MSTO1: variants seen among roughly 807,000 people sequenced by gnomAD.
MSTO1 encodes protein misato homolog 1.
MSTO1 carries 24 observed loss-of-function variants against 55.7 expected under a neutral mutation model. The ratio of observed to expected loss-of-function variants is 0.43; its 90% CI spans 0.31 to 0.61. MSTO1 has a LOEUF of 0.61. MSTO1 is among the 20% of genes least tolerant of loss of function. The pLI is 0.09. For synonymous variants in MSTO1, 162 were observed against 252.8 expected (o/e 0.64, Z 3.41); for missense variants, 363 against 625.7 (o/e 0.58, Z 4.48).
In MSTO1 at chr1:155,610,299, C is replaced by G. The variant is rs757329280; in HGVS notation, c.51C>G (p.Ala17=). 2.7e-5 allele frequency: 30 copies of G among 1,101,166 alleles called. No individual in the cohort carries two copies. The highest frequency in any genetic ancestry group is 3.5e-5 in the Non-Finnish European group (27 of 778,152). The allele number at this position is 1,101,166 out of a possible 1,614,324, so 68.2% of individuals were successfully genotyped here. Reference sequence around the variant, plus strand: ...TCACACTGCAGTTGGGACATTTTGCCGGTTTCGTGGGCGCGCACTGGTGGA... The same window carrying G: ...TCACACTGCAGTTGGGACATTTTGCGGGTTTCGTGGGCGCGCACTGGTGGA... The part of the protein sequence containing the change: ...EVLTLQLGHF[A]GFVGAHWWNQ... Residue 17 remains alanine, a synonymous_variant, in exon 1 of 14, where the codon GCC becomes GCG. Coordinates refer to ENST00000245564, the MANE Select transcript of MSTO1 (RefSeq NM_018116.4).
chr1:155,604,560 TAAAC>T, the MSTO1 span, among the ~76,000 whole-genome samples: 1 of 152,156 alleles, frequency 6.6e-6, no homozygotes, highest in Non-Finnish European at 1.5e-5. Context: ...ACACAAAACT[TAAAC>T]AAAAATTTTG....
the MSTO1 span, among the ~76,000 whole-genome samples, chr1:155,603,272 A>G: frequency 1.3e-5 from 2 of 151,798 alleles, no homozygotes; most frequent in Non-Finnish European, 2.9e-5. Flanking sequence ...GGCCCCATGC[A>G]TGTAATCCCA....
the MSTO1 span, among the ~76,000 whole-genome samples, chr1:155,568,083 TATTTTA>T: frequency 1.3e-5 from 2 of 150,700 alleles, no homozygotes; most frequent in African/African-American, 4.9e-5. Flanking sequence ...TATTTTATTT[TATTTTA>T]TTTTTTTTGA....
the MSTO1 span, among the ~76,000 whole-genome samples, chr1:155,596,772 C>T: frequency 4.6e-5 from 7 of 151,116 alleles, no homozygotes; most frequent in Admixed American, 4.6e-4. Flanking sequence ...GGACAGCAGG[C>T]TGTCTCAAAA....
At chr1:155,608,371 T>TA (rs1364036728), upstream of MSTO1, among the ~76,000 whole-genome samples, 5 of 152,178 alleles carry the variant, frequency 3.3e-5, no homozygotes, top group Non-Finnish European at 7.4e-5. Context: ...GGAGTCTCAC[T>TA]ACATTGTCCA....
At chr1:155,579,486 A>C in the MSTO1 span, among the ~76,000 whole-genome samples, 1 of 152,194 alleles carries the variant, frequency 6.6e-6, no homozygotes, top group Admixed American at 6.6e-5. Flanking sequence ...ATCACTGGAA[A>C]TCATTAGGCA....
the MSTO1 span, among the ~76,000 whole-genome samples, chr1:155,578,469 G>A: frequency 7.0e-6 from 1 of 141,934 alleles, no homozygotes; most frequent in East Asian, 2.1e-4. Context: ...CTCCCAAGTA[G>A]CTGGAACTAC....
At chr1:155,568,084 A>ATTTT in the MSTO1 span, among the ~76,000 whole-genome samples, 2 of 148,690 alleles carry the variant, frequency 1.3e-5, no homozygotes, top group African/African-American at 5.1e-5. Flanking sequence ...ATTTTATTTT[A>ATTTT]TTTTATTTTT....
At chr1:155,588,043 T>C in the MSTO1 span, among the ~76,000 whole-genome samples, 2 of 150,688 alleles carry the variant, frequency 1.3e-5, no homozygotes, top group Non-Finnish European at 3.0e-5. Flanking sequence ...CCGTCTCTAC[T>C]AAAAAAAATA....
the MSTO1 span, among the ~76,000 whole-genome samples, chr1:155,579,749 G>C: frequency 6.6e-6 from 1 of 152,134 alleles, no homozygotes; most frequent in South Asian, 2.1e-4. Context: ...ATGTAGCACT[G>C]ATTTAGTTCT....
At chr1:155,595,176 G>GTTTTTTTT in the MSTO1 span, among the ~76,000 whole-genome samples, 2 of 102,514 alleles carry the variant, frequency 2.0e-5, no homozygotes, top group Non-Finnish European at 3.8e-5. Context: ...CAGGTTTGTT[G>GTTTTTTTT]TTTTTTTTTT....
the MSTO1 span, chr1:155,586,630 T>C: frequency 2.1e-6 from 1 of 480,392 alleles, no homozygotes; most frequent in Non-Finnish European, 4.1e-6. Context: ...GTGCTTTACC[T>C]TTCACTTTTT....
the MSTO1 span, among the ~76,000 whole-genome samples, chr1:155,583,401 G>T: frequency 6.6e-6 from 1 of 151,684 alleles, no homozygotes; most frequent in Admixed American, 6.6e-5. Flanking sequence ...GCCACGAGGT[G>T]GTTGCACGTG....
At chr1:155,597,781 A>G in the MSTO1 span, among the ~76,000 whole-genome samples, 2 of 149,140 alleles carry the variant, frequency 1.3e-5, no homozygotes, top group African/African-American at 2.5e-5. Context: ...AAGTGCTGGG[A>G]TTACAGGCGT....
the MSTO1 span, chr1:155,564,087 T>C: frequency 6.2e-6 from 1 of 161,180 alleles, no homozygotes; most frequent in Non-Finnish European, 1.4e-5. Flanking sequence ...TTTTTACCTT[T>C]ACCTAAAGGG....
upstream of MSTO1, chr1:155,610,127 G>T (rs1673494688): frequency 5.6e-6 from 5 of 895,220 alleles, no homozygotes; most frequent in Non-Finnish European, 8.5e-6. Flanking sequence ...CAATGGGAAA[G>T]GATGTGTTTG....
the MSTO1 span, among the ~76,000 whole-genome samples, chr1:155,574,126 G>A: frequency 1.3e-5 from 2 of 152,136 alleles, no homozygotes; most frequent in East Asian, 3.9e-4. Flanking sequence ...AGGAGGCAGA[G>A]GCAGGCATAT....
At position 155,612,974 on chromosome 1, in the gene MSTO1, A is replaced by G; in HGVS notation, c.1097A>G (p.Lys366Arg). Residue 366 changes from lysine to arginine, a missense_variant and splice_region_variant, in exon 10 of 14, where the codon AAG becomes AGG. By Grantham distance (26) the Lys-to-Arg change is conservative. This residue lies in a region of MSTO1 where 231 missense variants were observed against 286.9 expected (regional missense o/e 0.81). Coordinates refer to ENST00000245564, the MANE Select transcript of MSTO1 (RefSeq NM_018116.4). ...GACATGCTGAGCTTCTGTGGGAAAA[A>G]GGTATGAAGCTTTGTAAGGGGTTGG... ...LADMLSFCGKKVVTAGAIIPF... is the reference protein window; with the variant it reads ...LADMLSFCGKRVVTAGAIIPF... The G allele has an allele frequency of 1.2e-6, 2 of 1,613,882 alleles. No individual in the cohort carries two copies. Among genetic ancestry groups the G allele is most frequent in the Non-Finnish European group, 1.7e-6 (2 of 1,179,844 alleles).
upstream of MSTO1, among the ~76,000 whole-genome samples, chr1:155,605,455 AT>A (rs1180830831): frequency 3.3e-5 from 5 of 152,182 alleles, no homozygotes; most frequent in East Asian, 1.9e-4. Flanking sequence ...ACACAAAAAA[AT>A]AAACTTTAAA....
Sources: gnomAD v4.1 joint callset for allele counts (sites outside exome capture counted in the v4.1 genomes callset) on GRCh38, gnomAD v4.1.1 for gene constraint, gnomAD v4.1.1 regional missense constraint, MANE v1.5 for transcripts, NCBI Gene and HGNC (gene_info 2026-07-23, HGNC 2026-07-21) for gene names.